The following CSNK1A1 variants were observed in gnomAD, a reference collection of about 807,000 sequenced individuals.
CSNK1A1 encodes the protein casein kinase 1 alpha 1, also known as casein kinase I isoform alpha.
Under a neutral mutation model 46.1 loss-of-function variants are expected in CSNK1A1, and 7 were observed. The ratio of observed to expected loss-of-function variants is 0.15; its 90% CI spans 0.09 to 0.29. The LOEUF is 0.29. CSNK1A1 is among the 10% of genes least tolerant of loss of function. The pLI is 1.00. For synonymous variants in CSNK1A1, 137 were observed against 141.5 expected (o/e 0.97, Z 0.23); for missense variants, 96 against 417.1 (o/e 0.23, Z 6.71).
chr5:149,498,485 T>C (rs1250278005), intron 9 of CSNK1A1: 1 of 985,184 alleles, frequency 1.0e-6, no homozygotes, highest in Admixed American at 6.2e-5. Context: ...ATTTCAATTT[T>C]AAAATACAGG....
chr5:149,545,568 G>A (rs965244032), intron 2 of CSNK1A1: 11 of 716,654 alleles, frequency 1.5e-5, no homozygotes, highest in Admixed American at 7.4e-5. Flanking sequence ...CAAGTCAATC[G>A]AGTTCGCAGC....
intron 9 of CSNK1A1, chr5:149,497,682 CA>C: frequency 1.0e-6 from 1 of 985,470 alleles, no homozygotes. Context: ...TTCCTCTCAC[CA>C]GACACCCACT....
intron 8 of CSNK1A1, 67 bp downstream of exon 8, chr5:149,506,960 T>C (rs3756505): frequency 0.11 from 130,057 of 1,177,532 alleles, 8,076 homozygotes; most frequent in African/African-American, 0.21. Flanking sequence ...TCAGAATGAA[T>C]TTGTTAGGTA....
chr5:149,517,441 C>T lies in CSNK1A1; in HGVS notation c.456+2849G>A, dbSNP rs1418422183. ...ATATTTCGTGCATTAAGTTGTGTAA[C>T]TCCAAATAAATTTTTAAAAACTAAC... On this transcript the variant is annotated intron_variant, in intron 4 of 9. Transcript: ENST00000377843. The surrounding 1 kb of genome is among the most constrained non-coding windows in gnomAD (Gnocchi z 4.4). 1.3e-5 allele frequency among the ~76,000 whole-genome samples: 2 copies of T among 152,100 alleles called. No homozygotes were observed. Among genetic ancestry groups the T allele is most frequent in the Admixed American group, 6.5e-5 (1 of 15,270 alleles).
chr5:149,516,343 C>G (rs1761402737), intron 4 of CSNK1A1, among the ~76,000 whole-genome samples: 1 of 84,776 alleles, frequency 1.2e-5, no homozygotes, highest in South Asian at 4.3e-4. Flanking sequence ...CAAAAAAACC[C>G]CCCAAAAAAA....
In CSNK1A1 at chr5:149,522,177, G is replaced by A. The variant is rs1325639443; in HGVS notation, c.358-1789C>T. Among the ~76,000 whole-genome samples the A allele has an allele frequency of 3.9e-5, 6 of 151,954 alleles. No individual in the cohort carries two copies. The East Asian group carries it at 7.7e-4, about 20-fold the overall frequency. On this transcript the variant is annotated intron_variant, in intron 3 of 9. Transcript: ENST00000377843. ...GGCTGGGGTGCAGTGACGAGATCAC[G>A]GCTCACAGCAGCTTCAACTTCCGGG... is the stretch of plus-strand genomic sequence containing the variant.
At chr5:149,542,102 C>G (rs1030729243) in intron 2 of CSNK1A1, among the ~76,000 whole-genome samples, 3 of 151,896 alleles carry the variant, frequency 2.0e-5, no homozygotes, top group Non-Finnish European at 4.4e-5. Context: ...TACAGCCACT[C>G]CCCAAAGCTG....
intron 2 of CSNK1A1, among the ~76,000 whole-genome samples, chr5:149,534,783 T>C (rs943892646): frequency 6.6e-6 from 1 of 151,414 alleles, no homozygotes; most frequent in African/African-American, 2.4e-5. Flanking sequence ...AATAAAAAAT[T>C]AGCCAGGCGT....
intron 9 of CSNK1A1, chr5:149,498,876 T>A: frequency 4.1e-6 from 4 of 985,404 alleles, no homozygotes; most frequent in Non-Finnish European, 2.4e-6. Flanking sequence ...GCAAGAAAAC[T>A]TCAGAATGTA....
chr5:149,493,840 T>G lies in CSNK1A1; in HGVS notation c.*3013A>C, dbSNP rs1304029159. The G allele has an allele frequency of 6.6e-6, 1 of 152,236 alleles. No homozygotes were observed. Among genetic ancestry groups the G allele is most frequent in the African/African-American group, 2.4e-5 (1 of 41,452 alleles). 9.4% of individuals were successfully genotyped at this position (152,236 alleles called of 1,614,324 possible). A position where few individuals can be genotyped will look rare whatever the true frequency, so the allele number is the denominator to read the frequency against. On this transcript the variant is annotated 3_prime_UTR_variant, in exon 10 of 10. Coordinates refer to ENST00000377843, the MANE Select transcript of CSNK1A1 (RefSeq NM_001892.6). ...ATATAGATGTCCTCACATCTTGATT[T>G]ACATGGTTATAACTGCTTAAAAACT... is the stretch of plus-strand genomic sequence containing the variant.
intron 9 of CSNK1A1, chr5:149,498,754 T>C (rs1043075395): frequency 1.0e-6 from 1 of 985,340 alleles, no homozygotes; most frequent in Non-Finnish European, 1.2e-6. Context: ...CTAATTGTTA[T>C]GGTGAATATA....
At chr5:149,510,244 A>G (rs1761173044) in intron 6 of CSNK1A1, among the ~76,000 whole-genome samples, 1 of 151,984 alleles carries the variant, frequency 6.6e-6, no homozygotes, top group South Asian at 2.1e-4. Context: ...AAAATTGAAA[A>G]GCATTTTCTT....
In CSNK1A1 at chr5:149,494,845, A is replaced by G. The variant is rs763196760; in HGVS notation, c.*2008T>C. Reference sequence around the variant, plus strand: ...AACCTTTTCAAATGGCAAAAATACAAAAAAGTGTTACAAAAATATTTCAGA... The same window carrying G: ...AACCTTTTCAAATGGCAAAAATACAGAAAAGTGTTACAAAAATATTTCAGA... On this transcript the variant is annotated 3_prime_UTR_variant, in exon 10 of 10. Coordinates refer to ENST00000377843, the MANE Select transcript of CSNK1A1 (RefSeq NM_001892.6). 1 of 152,254 alleles carries G rather than the reference A, an allele frequency of 6.6e-6. No homozygotes were observed. The highest frequency in any genetic ancestry group is 1.5e-5 in the Non-Finnish European group (1 of 68,050). 9.4% of individuals were successfully genotyped at this position (152,254 alleles called of 1,614,324 possible).
At chr5:149,546,033 C>G (rs1328506753) in intron 2 of CSNK1A1, among the ~76,000 whole-genome samples, 1 of 151,474 alleles carries the variant, frequency 6.6e-6, no homozygotes, top group Non-Finnish European at 1.5e-5. Flanking sequence ...GCACTACAGG[C>G]GCACGCCACC....
At chr5:149,504,842 A>G in intron 9 of CSNK1A1, 1 of 985,446 alleles carries the variant, frequency 1.0e-6, no homozygotes, top group Non-Finnish European at 1.2e-6. Context: ...GTGACTAGAA[A>G]AGATGTGCTG....
chr5:149,501,708 T>G (rs1211120362), intron 9 of CSNK1A1: 1 of 985,336 alleles, frequency 1.0e-6, no homozygotes, highest in Non-Finnish European at 1.2e-6. Flanking sequence ...TTGGGTTCAC[T>G]ACCTTCTGAA....
intron 6 of CSNK1A1, 148 bp downstream of exon 6, chr5:149,511,646 G>C (rs1358389446): frequency 5.0e-6 from 3 of 602,908 alleles, no homozygotes; most frequent in Non-Finnish European, 8.5e-6. Context: ...CATTTTCCCA[G>C]ATAAAAGGTA....
chr5:149,521,582 C>T (rs983750131), intron 3 of CSNK1A1, among the ~76,000 whole-genome samples: 3 of 151,490 alleles, frequency 2.0e-5, no homozygotes, highest in African/African-American at 7.3e-5. Context: ...CCACCATGCC[C>T]GGCCTCGATT....
chr5:149,511,088 T>G (rs185500234), intron 6 of CSNK1A1, among the ~76,000 whole-genome samples: 2 of 152,240 alleles, frequency 1.3e-5, no homozygotes, highest in Admixed American at 1.3e-4. Flanking sequence ...TTCTTTGGGA[T>G]GCTGAAGCAG....
Sources: allele counts gnomAD v4.1 joint callset (sites outside exome capture counted in the v4.1 genomes callset), GRCh38; gene constraint gnomAD v4.1.1; non-coding constraint Gnocchi (gnomAD v3.1); transcripts MANE v1.5; gene names NCBI Gene and HGNC (gene_info 2026-07-23, HGNC 2026-07-21).